The following TLN2 variants were observed in gnomAD, a reference collection of about 807,000 sequenced individuals.
TLN2 encodes the protein talin 2, also known as talin-2.
TLN2 carries 118 observed loss-of-function variants against 294.7 expected under a neutral mutation model. That is an observed-to-expected ratio of 0.40 (90% CI 0.34 to 0.47). TLN2 has a LOEUF of 0.47. Ranked by LOEUF, TLN2 falls within the 20% of genes least tolerant of loss-of-function variation. The pLI is 0.84. For synonymous variants in TLN2, 1,431 were observed against 1,304.5 expected, an observed-to-expected ratio of 1.10 and a Z score of -2.09; for missense variants, 3,083 against 3,282.2, an observed-to-expected ratio of 0.94 and a Z score of 1.48.
At chr15:62,528,742 A>G (rs1343027068) in intron 1 of TLN2, among the ~76,000 whole-genome samples, 1 of 127,312 alleles carries the variant, frequency 7.9e-6, no homozygotes, top group African/African-American at 3.1e-5. Flanking sequence ...TGGGTGGCTG[A>G]TCTTGGATAT....
At chr15:62,680,643 A>G (rs1374635660) in intron 11 of TLN2, among the ~76,000 whole-genome samples, 2 of 151,200 alleles carry the variant, frequency 1.3e-5, no homozygotes, top group African/African-American at 4.9e-5. Context: ...GGTGAATTAT[A>G]TAGCAGTGAA....
At chr15:62,755,431 T>A in intron 36 of TLN2, 101 bp from the exon 37 acceptor site, 1 of 1,410,700 alleles carries the variant, frequency 7.1e-7, no homozygotes, top group Non-Finnish European at 9.5e-7. Context: ...TTACACAGGC[T>A]CTGAACATGT....
At chr15:62,748,240 A>G in intron 32 of TLN2, 111 bp from the exon 33 acceptor site, 7 of 789,908 alleles carry the variant, frequency 8.9e-6, no homozygotes. Flanking sequence ...TCTCCTGGGG[A>G]CCCGAGCTGA....
At chr15:62,496,096 C>T (rs547961251) in intron 1 of TLN2, among the ~76,000 whole-genome samples, 8 of 152,308 alleles carry the variant, frequency 5.3e-5, no homozygotes, top group East Asian at 1.9e-4. Context: ...GTGGATTCTA[C>T]GCCAGATGTC....
At chr15:62,559,843 C>T (rs551873346) in intron 1 of TLN2, among the ~76,000 whole-genome samples, 64 of 152,280 alleles carry the variant, frequency 4.2e-4, no homozygotes, top group Non-Finnish European at 7.9e-4. Context: ...ATCTTATTAT[C>T]CAGATGAACT....
chr15:62,785,469 C>T (rs1029955660), intron 45 of TLN2, among the ~76,000 whole-genome samples: 4 of 152,140 alleles, frequency 2.6e-5, no homozygotes, highest in African/African-American at 9.6e-5. Context: ...CAAGACCCAG[C>T]CTGGCCAACA....
chr15:62,808,484 A>T (rs2066448892), intron 51 of TLN2, among the ~76,000 whole-genome samples: 1 of 152,304 alleles, frequency 6.6e-6, no homozygotes, highest in South Asian at 2.1e-4. Context: ...GATTCCTAGA[A>T]ATAGAATTAG....
chr15:62,707,851 C>T (rs1324807732), intron 20 of TLN2, among the ~76,000 whole-genome samples: 8 of 152,030 alleles, frequency 5.3e-5, no homozygotes, highest in East Asian at 3.9e-4. Flanking sequence ...CCTCCAAATA[C>T]GCTTTCCCCT....
At chr15:62,685,118 CAT>C (rs1039209066) in intron 11 of TLN2, among the ~76,000 whole-genome samples, 3 of 151,910 alleles carry the variant, frequency 2.0e-5, no homozygotes, top group African/African-American at 4.8e-5. Context: ...ATACAAAACA[CAT>C]GAGATGTTCA....
At chr15:62,620,785 A>G (rs2048734252) in intron 3 of TLN2, among the ~76,000 whole-genome samples, 1 of 150,506 alleles carries the variant, frequency 6.6e-6, no homozygotes, top group South Asian at 2.1e-4. Context: ...CCCAGCCCCA[A>G]AGTGAATTTT....
intron 1 of TLN2, among the ~76,000 whole-genome samples, chr15:62,566,179 C>T (rs549321301): frequency 7.9e-4 from 120 of 152,204 alleles, no homozygotes; most frequent in Non-Finnish European, 9.6e-4. Context: ...AACAGGATAA[C>T]TCCTGTTGGG....
At chr15:62,737,642 C>G (rs1334362565) in intron 29 of TLN2, among the ~76,000 whole-genome samples, 13 of 152,180 alleles carry the variant, frequency 8.5e-5, no homozygotes, top group Non-Finnish European at 1.8e-4. Context: ...CCAAAGAATG[C>G]AAACAGGGAG....
At chr15:62,631,526 C>T (rs1434482614) in intron 3 of TLN2, among the ~76,000 whole-genome samples, 10 of 56,920 alleles carry the variant, frequency 1.8e-4, no homozygotes, top group Non-Finnish European at 2.8e-4. Flanking sequence ...TTCTTCCTTT[C>T]CTTTCCTTTC....
chr15:62,624,169 C>T (rs1437615060), intron 3 of TLN2, among the ~76,000 whole-genome samples: 2 of 152,178 alleles, frequency 1.3e-5, no homozygotes, highest in Non-Finnish European at 2.9e-5. Context: ...TTAACTCTAA[C>T]CTTCATTAGA....
intron 38 of TLN2, 94 bp from the exon 39 acceptor site, chr15:62,762,178 G>T: frequency 7.3e-7 from 1 of 1,368,034 alleles, no homozygotes; most frequent in Non-Finnish European, 1.0e-6. Context: ...AAGGGCAGAG[G>T]TGGTGATTTG....
chr15:62,733,226 C>T (rs1206037195), intron 28 of TLN2, among the ~76,000 whole-genome samples: 1 of 152,174 alleles, frequency 6.6e-6, no homozygotes, highest in African/African-American at 2.4e-5. Flanking sequence ...GCCATAGACA[C>T]AGTTGCTGCC....
chr15:62,784,321 C>A (rs377019005), intron 45 of TLN2: 73 of 248,254 alleles, frequency 2.9e-4, no homozygotes, highest in African/African-American at 1.5e-3. Flanking sequence ...AGCTATCCCT[C>A]TCCCTCGAAA....
intron 42 of TLN2, among the ~76,000 whole-genome samples, chr15:62,773,380 A>ACT (rs1182726332): frequency 1.3e-5 from 2 of 152,040 alleles, no homozygotes; most frequent in African/African-American, 4.8e-5. Context: ...TTTTCAGTAA[A>ACT]GCATTAGATG....
chr15:62,564,930 A>ATG (rs2043274177), intron 1 of TLN2, among the ~76,000 whole-genome samples: 1 of 144,584 alleles, frequency 6.9e-6, no homozygotes, highest in South Asian at 2.2e-4. Context: ...AAAAAAATAT[A>ATG]TATATATATA....
Sources: gnomAD v4.1 joint callset for allele counts (sites outside exome capture counted in the v4.1 genomes callset) on GRCh38, gnomAD v4.1.1 for gene constraint, MANE v1.5 for transcripts, NCBI Gene and HGNC (gene_info 2026-07-23, HGNC 2026-07-21) for gene names.